Variants in ADD1 observed in about 807,000 individuals in gnomAD.
ADD1 encodes alpha-adducin.
In ADD1, 24 loss-of-function variants were observed where a neutral mutation model predicts 80.5. The observed-to-expected ratio is 0.30, with a 90% CI of 0.22 to 0.42. ADD1 has a LOEUF of 0.42. ADD1 is among the 10% of genes least tolerant of loss of function. The pLI is 1.00. For missense variants in ADD1, 948 were observed against 1,019.0 expected (o/e 0.93, Z 0.95); for synonymous variants, 373 against 393.8 (o/e 0.95, Z 0.63).
chr4:2,885,774 TA>T (rs989784676), intron 4 of ADD1, among the ~76,000 whole-genome samples: 1 of 150,376 alleles, frequency 6.6e-6, no homozygotes, highest in Non-Finnish European at 1.5e-5. Flanking sequence ...CACGCCTGGC[TA>T]ATTTTTTTGT....
chr4:2,862,488 C>T (rs1728952871), intron 1 of ADD1, among the ~76,000 whole-genome samples: 1 of 152,180 alleles, frequency 6.6e-6, no homozygotes, highest in Non-Finnish European at 1.5e-5. Context: ...GCCTTATTCC[C>T]CTCTCCCATT....
chr4:2,907,733 G>T lies in ADD1; in HGVS notation c.1507-10G>T. 1 of 1,606,814 alleles carries T rather than the reference G, an allele frequency of 6.2e-7. No individual in the cohort carries two copies. ...TAATTCTGACTTTTCAACTGTTCTT[G>T]ATATTACAGTGGACTAAAGAGGATG... On this transcript the variant is annotated splice_polypyrimidine_tract_variant and intron_variant, in intron 10 of 15. Coordinates refer to ENST00000683351, the MANE Select transcript of ADD1 (RefSeq NM_001354761.2).
rs143442706 is a variant in ADD1, at chr4:2,852,607, A to G, written c.-21+8583A>G. Among the ~76,000 whole-genome samples the G allele has an allele frequency of 1.1e-3, 167 of 151,490 alleles. 1 individual carries two copies. The highest frequency in any genetic ancestry group is 3.6e-3 in the Admixed American group (54 of 15,210). On this transcript the variant is annotated intron_variant, in intron 1 of 15. Coordinates refer to ENST00000683351, the MANE Select transcript of ADD1 (RefSeq NM_001354761.2). ...TACTTTGACAACAGAATCACCAGCA[A>G]TGTCACTGACCTAGGGTGTCTGCAG...
intron 1 of ADD1, among the ~76,000 whole-genome samples, chr4:2,872,646 C>T (rs1730632129): frequency 6.6e-6 from 1 of 152,224 alleles, no homozygotes; most frequent in South Asian, 2.1e-4. Flanking sequence ...CAGCCTTGAC[C>T]TCCCAGGTCG....
At position 2,848,412 on chromosome 4, in the gene ADD1, T is replaced by C. The variant is rs192368237; in HGVS notation, c.-21+4388T>C. ...CTTTTTAAACAGTTGTTATAACTAATGTGTAACACTGTTTTTGATAACTGT... is the reference window on the plus strand; with the variant it reads ...CTTTTTAAACAGTTGTTATAACTAACGTGTAACACTGTTTTTGATAACTGT... On this transcript the variant is annotated intron_variant, in intron 1 of 15. Coordinates refer to ENST00000683351, the MANE Select transcript of ADD1 (RefSeq NM_001354761.2). Among the ~76,000 whole-genome samples, 165 of 152,332 alleles carry C rather than the reference T, an allele frequency of 1.1e-3. 1 individual carries two copies. The highest frequency in any genetic ancestry group is 3.6e-3 in the Admixed American group (55 of 15,294).
Position 2,882,021 on chromosome 4 carries a change from C to T in ADD1, c.319C>T (p.Pro107Ser). 6 of 1,612,506 alleles carry T rather than the reference C, an allele frequency of 3.7e-6. No individual in the cohort carries two copies. Among genetic ancestry groups the T allele is most frequent in the Non-Finnish European group, 4.2e-6 (5 of 1,179,580 alleles). Residue 107 changes from proline (P) to serine (S), a missense_variant, in exon 3 of 16, where the codon CCA (proline) becomes TCA (serine). By Grantham distance (74) the Pro-to-Ser change is moderately conservative. Transcript: ENST00000683351. Reference sequence around the variant, plus strand: ...GACCACGAATGTACCAAATGTCTACCCAGCAGCTCCGCAAGGAGGGATGGC... The same window carrying T: ...GACCACGAATGTACCAAATGTCTACTCAGCAGCTCCGCAAGGAGGGATGGC... Reference protein sequence around the residue: ...FMTTNVPNVYPAAPQGGMAAL... With the variant: ...FMTTNVPNVYSAAPQGGMAAL...
At chr4:2,872,622 A>G (rs1006167043) in intron 1 of ADD1, among the ~76,000 whole-genome samples, 1 of 152,232 alleles carries the variant, frequency 6.6e-6, no homozygotes, top group Non-Finnish European at 1.5e-5. Context: ...TAGTGGTGCC[A>G]TCATGGCTCT....
intron 1 of ADD1, among the ~76,000 whole-genome samples, chr4:2,870,885 A>G (rs1163570562): frequency 6.6e-6 from 1 of 152,174 alleles, no homozygotes; most frequent in African/African-American, 2.4e-5. Flanking sequence ...AACAAAAAAC[A>G]AAGTAAGTAG....
intron 1 of ADD1, among the ~76,000 whole-genome samples, chr4:2,856,627 C>T (rs564113065): frequency 4.9e-5 from 7 of 143,912 alleles, no homozygotes; most frequent in African/African-American, 7.7e-5. Flanking sequence ...GGTCTTGCTC[C>T]GTTGCTCAGG....
intron 1 of ADD1, among the ~76,000 whole-genome samples, chr4:2,872,644 AC>A (rs1638570632): frequency 6.6e-6 from 1 of 151,884 alleles, no homozygotes; most frequent in Non-Finnish European, 1.5e-5. Flanking sequence ...TGCAGCCTTG[AC>A]CTCCCAGGTC....
chr4:2,868,663 A>G (rs1436645244), intron 1 of ADD1, among the ~76,000 whole-genome samples: 2 of 152,180 alleles, frequency 1.3e-5, no homozygotes, highest in East Asian at 3.8e-4. Context: ...CCCTTGTACA[A>G]ACATGAGTTA....
chr4:2,873,064 C>T (rs1436166258), intron 1 of ADD1, among the ~76,000 whole-genome samples: 1 of 152,008 alleles, frequency 6.6e-6, no homozygotes, highest in Non-Finnish European at 1.5e-5. Flanking sequence ...CATGACTCAG[C>T]TCACTGCAAA....
At chr4:2,896,892 G>A (rs1735336125) in intron 6 of ADD1, among the ~76,000 whole-genome samples, 2 of 152,072 alleles carry the variant, frequency 1.3e-5, no homozygotes, top group Non-Finnish European at 2.9e-5. Context: ...CTGAGTAGGT[G>A]GGACTACAGG....
chr4:2,907,715 G>C (rs1452605908), intron 10 of ADD1, 28 bp from the exon 11 acceptor site: 9 of 1,578,378 alleles, frequency 5.7e-6, no homozygotes, highest in Non-Finnish European at 7.8e-6. Flanking sequence ...TCATAATTCT[G>C]ACTTTTCAAC....
intron 1 of ADD1, among the ~76,000 whole-genome samples, chr4:2,852,138 T>TTCTCTTTC (rs1727189356): frequency 2.0e-5 from 2 of 97,580 alleles, no homozygotes; most frequent in Admixed American, 1.1e-4. Context: ...ACCCGGCCTC[T>TTCTCTTTC]TTTCTTTCTT....
rs187302927 is a variant in ADD1 at position 2,907,852 on chromosome 4, C to G, written c.1608+8C>G. On this transcript the variant is annotated splice_region_variant and intron_variant, in intron 11 of 15. Transcript: ENST00000683351. ...CAGGAGATGAGGAACAAGGTGCGTC[C>G]TGCGTCGGCACTCAGCGGGGGCTTG... 1 of 1,611,228 alleles carries G rather than the reference C, an allele frequency of 6.2e-7. No individual in the cohort carries two copies. Among genetic ancestry groups the G allele is most frequent in the African/African-American group, 1.3e-5 (1 of 74,844 alleles).
chr4:2,925,735 G>A (rs964148744), intron 14 of ADD1, among the ~76,000 whole-genome samples: 1 of 152,182 alleles, frequency 6.6e-6, no homozygotes, highest in Non-Finnish European at 1.5e-5. Flanking sequence ...CATACCATTC[G>A]AGTCCATCAC....
At chr4:2,894,952 T>C (rs1440655687) in intron 6 of ADD1, among the ~76,000 whole-genome samples, 1 of 152,180 alleles carries the variant, frequency 6.6e-6, no homozygotes, top group East Asian at 1.9e-4. Context: ...GTAATAAGTC[T>C]GAAAATGCCT....
intron 1 of ADD1, among the ~76,000 whole-genome samples, chr4:2,857,159 G>C (rs1218268931): frequency 6.6e-6 from 1 of 151,610 alleles, no homozygotes; most frequent in Admixed American, 6.6e-5. Context: ...TGATCTGCCT[G>C]TCTCAGCCTC....
Sources: allele counts gnomAD v4.1 joint callset (sites outside exome capture counted in the v4.1 genomes callset), GRCh38; gene constraint gnomAD v4.1.1; transcripts MANE v1.5; gene names NCBI Gene and HGNC (gene_info 2026-07-23, HGNC 2026-07-21).